Variants in CTNNA3 observed in about 807,000 individuals in gnomAD.
CTNNA3 encodes catenin alpha-3.
A neutral mutation model predicts 95.7 loss-of-function variants in CTNNA3; 76 were observed. The ratio of observed to expected loss-of-function variants is 0.79; its 90% CI spans 0.66 to 0.96. CTNNA3 has a LOEUF of 0.96. Ranked by LOEUF, CTNNA3 falls within the 40% of genes least tolerant of loss-of-function variation. CTNNA3 has a pLI of 0.00. For missense variants in CTNNA3, 1,191 were observed against 1,089.8 expected (o/e 1.09, Z -1.31); for synonymous variants, 431 against 374.4 (o/e 1.15, Z -1.74).
chr10:66,733,484 A>G (rs920411168), intron 9 of CTNNA3, among the ~76,000 whole-genome samples: 1 of 151,882 alleles, frequency 6.6e-6, no homozygotes, highest in South Asian at 2.1e-4. Context: ...AAGAATAAAT[A>G]TGTATGTTTT....
At chr10:67,630,860 T>G (rs1442211430) in intron 2 of CTNNA3, among the ~76,000 whole-genome samples, 1 of 152,208 alleles carries the variant, frequency 6.6e-6, no homozygotes, top group Non-Finnish European at 1.5e-5. Context: ...TACTATTATT[T>G]TAAGGGATTT....
At chr10:66,211,996 T>G (rs1257257955) in intron 13 of CTNNA3, among the ~76,000 whole-genome samples, 2 of 145,140 alleles carry the variant, frequency 1.4e-5, no homozygotes, top group Non-Finnish European at 3.0e-5. Flanking sequence ...TTTTTTTTTT[T>G]TTTTTTTTTT....
In CTNNA3 at chr10:65,954,284, T is replaced by C. The variant is rs189881107; in HGVS notation, c.2400+12328A>G. ...TAAGTTCTTTGTAGATTCTGGATAT[T>C]AGACCTTTGTCAGATGGGTAGATTG... On this transcript the variant is annotated intron_variant, in intron 17 of 17. Coordinates refer to ENST00000433211, the MANE Select transcript of CTNNA3 (RefSeq NM_013266.4). 4.1e-3 allele frequency among the ~76,000 whole-genome samples: 619 copies of C among 152,370 alleles called. 2 individuals carry two copies. Among genetic ancestry groups the C allele is most frequent in the Admixed American group, 8.6e-3 (131 of 15,308 alleles).
intron 3 of CTNNA3, among the ~76,000 whole-genome samples, chr10:67,585,161 G>T (rs1457036492): frequency 6.6e-6 from 1 of 152,210 alleles, no homozygotes; most frequent in Non-Finnish European, 1.5e-5. Context: ...GGGAGCTGTA[G>T]ACTGGAGCTG....
At chr10:66,714,109 C>T (rs966116268) in intron 9 of CTNNA3, among the ~76,000 whole-genome samples, 6 of 152,004 alleles carry the variant, frequency 3.9e-5, no homozygotes, top group African/African-American at 9.7e-5. Flanking sequence ...CCAAAATGAT[C>T]GAATCGTGAT....
chr10:66,987,298 T>G (rs993291837), intron 7 of CTNNA3, among the ~76,000 whole-genome samples: 2 of 152,112 alleles, frequency 1.3e-5, no homozygotes, highest in African/African-American at 4.8e-5. Flanking sequence ...AAGGCAGAAT[T>G]AGAGAGACAG....
At chr10:66,853,664 G>C (rs1025417704) in intron 7 of CTNNA3, among the ~76,000 whole-genome samples, 1 of 151,938 alleles carries the variant, frequency 6.6e-6, no homozygotes, top group Non-Finnish European at 1.5e-5. Context: ...AAAGCAAACA[G>C]AATAAAATCA....
chr10:67,523,607 T>C (rs1230377192), intron 4 of CTNNA3, among the ~76,000 whole-genome samples: 1 of 152,158 alleles, frequency 6.6e-6, no homozygotes, highest in Non-Finnish European at 1.5e-5. Flanking sequence ...ATACTGACAC[T>C]GACGGAGGGA....
At chr10:66,860,993 G>A (rs1843899207) in intron 7 of CTNNA3, among the ~76,000 whole-genome samples, 1 of 152,122 alleles carries the variant, frequency 6.6e-6, no homozygotes, top group Non-Finnish European at 1.5e-5. Flanking sequence ...TCTCTCATGG[G>A]GGAGGCCAGG....
At chr10:66,479,506 T>A (rs1021138981) in intron 11 of CTNNA3, among the ~76,000 whole-genome samples, 1 of 152,058 alleles carries the variant, frequency 6.6e-6, no homozygotes, top group Non-Finnish European at 1.5e-5. Context: ...GTGACATCTT[T>A]ACAATATTAA....
intron 5 of CTNNA3, among the ~76,000 whole-genome samples, chr10:67,277,524 T>C (rs997624329): frequency 6.6e-6 from 1 of 152,102 alleles, no homozygotes; most frequent in African/African-American, 2.4e-5. Context: ...CAACTTCATC[T>C]TAAATAGGGG....
chr10:66,322,167 T>G (rs1449677207), intron 12 of CTNNA3, among the ~76,000 whole-genome samples: 2 of 152,088 alleles, frequency 1.3e-5, no homozygotes, highest in Non-Finnish European at 2.9e-5. Flanking sequence ...AATCACACAC[T>G]TATATCTGTT....
intron 7 of CTNNA3, among the ~76,000 whole-genome samples, chr10:67,034,123 C>G (rs1322450679): frequency 6.6e-6 from 1 of 152,122 alleles, no homozygotes; most frequent in Non-Finnish European, 1.5e-5. Flanking sequence ...AGAACTGCAG[C>G]CAAACCAGTG....
intron 12 of CTNNA3, among the ~76,000 whole-genome samples, chr10:66,354,098 C>T (rs2092588589): frequency 6.6e-6 from 1 of 151,974 alleles, no homozygotes; most frequent in Non-Finnish European, 1.5e-5. Context: ...GCCTGGCCAA[C>T]ATGGCAAAAC....
At chr10:66,627,697 C>T (rs1388158474) in intron 9 of CTNNA3, among the ~76,000 whole-genome samples, 1 of 152,048 alleles carries the variant, frequency 6.6e-6, no homozygotes, top group African/African-American at 2.4e-5. Context: ...GCCTGCATGT[C>T]CTAGTGTTAG....
chr10:66,208,482 T>C (rs1388615052), intron 13 of CTNNA3, among the ~76,000 whole-genome samples: 1 of 152,134 alleles, frequency 6.6e-6, no homozygotes, highest in Non-Finnish European at 1.5e-5. Flanking sequence ...AGCATTTATA[T>C]AGTACTGTGC....
At chr10:66,977,530 A>T (rs1850119561) in intron 7 of CTNNA3, among the ~76,000 whole-genome samples, 1 of 152,322 alleles carries the variant, frequency 6.6e-6, no homozygotes, top group East Asian at 1.9e-4. Flanking sequence ...CTCTGTTAAG[A>T]GCTCACAGAA....
chr10:67,524,912 C>A (rs2133167359), intron 4 of CTNNA3, among the ~76,000 whole-genome samples: 1 of 152,220 alleles, frequency 6.6e-6, no homozygotes, highest in Non-Finnish European at 1.5e-5. Flanking sequence ...TAATAGGCCA[C>A]AATGGTTAAT....
chr10:67,403,552 T>G (rs2132814435), intron 5 of CTNNA3: 1 of 152,368 alleles, frequency 6.6e-6, no homozygotes, highest in Admixed American at 6.5e-5. Flanking sequence ...CTGACAAAGT[T>G]CTAATTTCTC....
Sources: allele counts gnomAD v4.1 joint callset (sites outside exome capture counted in the v4.1 genomes callset), GRCh38; gene constraint gnomAD v4.1.1; transcripts MANE v1.5; gene names NCBI Gene and HGNC (gene_info 2026-07-23, HGNC 2026-07-21).